ENTREP2: variants seen among roughly 807,000 people sequenced by gnomAD.
The protein encoded by ENTREP2 is protein ENTREP2.
the ENTREP2 span, among the ~76,000 whole-genome samples, chr15:29,371,362 A>ACACACG: frequency 6.7e-6 from 1 of 150,294 alleles, no homozygotes; most frequent in Admixed American, 6.6e-5. Flanking sequence ...ACACACACAC[A>ACACACG]CACACACACA....
chr15:29,657,244 G>T, the ENTREP2 span, among the ~76,000 whole-genome samples: 2 of 150,626 alleles, frequency 1.3e-5, no homozygotes, highest in Non-Finnish European at 3.0e-5. Flanking sequence ...CATTTTTAGT[G>T]GCTACAGGGT....
chr15:29,328,593 C>T, the ENTREP2 span, among the ~76,000 whole-genome samples: 2 of 152,180 alleles, frequency 1.3e-5, no homozygotes, highest in Admixed American at 6.5e-5. Context: ...AGAAGCTGTA[C>T]ATCAGTGATG....
the ENTREP2 span, among the ~76,000 whole-genome samples, chr15:29,154,360 A>T: frequency 2.0e-5 from 3 of 152,128 alleles, no homozygotes; most frequent in Non-Finnish European, 2.9e-5. Context: ...AGACATCTCC[A>T]TCTTGTGCTC....
At chr15:29,607,316 TTTTGTC>T in the ENTREP2 span, among the ~76,000 whole-genome samples, 1 of 151,790 alleles carries the variant, frequency 6.6e-6, no homozygotes, top group Non-Finnish European at 1.5e-5. Context: ...TTTTTTTTTT[TTTTGTC>T]TTATTTCACC....
chr15:29,174,454 C>T, the ENTREP2 span, among the ~76,000 whole-genome samples: 1 of 152,044 alleles, frequency 6.6e-6, no homozygotes, highest in Admixed American at 6.5e-5. Flanking sequence ...TTTGGGAGGC[C>T]GAGGCGGGCA....
chr15:29,655,970 A>G, the ENTREP2 span, among the ~76,000 whole-genome samples: 1 of 146,620 alleles, frequency 6.8e-6, no homozygotes, highest in African/African-American at 2.5e-5. Flanking sequence ...GGTTGCAGTG[A>G]GCGAGATCAC....
At chr15:29,657,332 A>G in the ENTREP2 span, among the ~76,000 whole-genome samples, 2 of 146,738 alleles carry the variant, frequency 1.4e-5, no homozygotes, top group African/African-American at 5.4e-5. Flanking sequence ...AGCGCCCACC[A>G]GTGTTACAGC....
chr15:29,546,550 T>C, the ENTREP2 span, among the ~76,000 whole-genome samples: 1 of 152,066 alleles, frequency 6.6e-6, no homozygotes, highest in Admixed American at 6.6e-5. Context: ...ATAACGAGAA[T>C]GTGTGCTAGA....
the ENTREP2 span, among the ~76,000 whole-genome samples, chr15:29,607,349 G>A: frequency 6.8e-6 from 1 of 147,710 alleles, no homozygotes; most frequent in Non-Finnish European, 1.5e-5. Context: ...GTCTCTCGAG[G>A]CATTACCCTT....
the ENTREP2 span, among the ~76,000 whole-genome samples, chr15:29,468,338 T>C: frequency 4.6e-5 from 7 of 152,118 alleles, no homozygotes; most frequent in Admixed American, 1.3e-4. Flanking sequence ...AGGCTGGGCA[T>C]GGTGGCTCAT....
the ENTREP2 span, among the ~76,000 whole-genome samples, chr15:29,673,950 C>T: frequency 6.6e-6 from 1 of 152,206 alleles, no homozygotes; most frequent in Non-Finnish European, 1.5e-5. Flanking sequence ...GAGTACCCGT[C>T]CTGTTGCTGT....
At chr15:29,410,462 G>A in the ENTREP2 span, among the ~76,000 whole-genome samples, 10 of 152,026 alleles carry the variant, frequency 6.6e-5, no homozygotes, top group South Asian at 1.5e-3. Context: ...GACTTGAGGC[G>A]ACGGGTCTCG....
the ENTREP2 span, among the ~76,000 whole-genome samples, chr15:29,287,953 G>A: frequency 9.2e-5 from 14 of 152,332 alleles, no homozygotes; most frequent in South Asian, 2.5e-3. Context: ...ACGGTTAGGA[G>A]GACACTCATT....
the ENTREP2 span, among the ~76,000 whole-genome samples, chr15:29,138,045 T>C: frequency 6.6e-6 from 1 of 152,112 alleles, no homozygotes; most frequent in Non-Finnish European, 1.5e-5. Flanking sequence ...GAAGTACTTA[T>C]TTAGCTGTTT....
At chr15:29,501,753 T>A in the ENTREP2 span, among the ~76,000 whole-genome samples, 1 of 152,130 alleles carries the variant, frequency 6.6e-6, no homozygotes, top group African/African-American at 2.4e-5. Context: ...TGTTCACAGA[T>A]GACCTAATTT....
chr15:29,157,925 T>A, the ENTREP2 span, among the ~76,000 whole-genome samples: 3 of 152,146 alleles, frequency 2.0e-5, no homozygotes, highest in Non-Finnish European at 4.4e-5. Flanking sequence ...GAGACGGGGT[T>A]TCACCATGTT....
the ENTREP2 span, among the ~76,000 whole-genome samples, chr15:29,411,544 T>C: frequency 2.6e-5 from 4 of 152,354 alleles, no homozygotes; most frequent in East Asian, 7.7e-4. Flanking sequence ...TGTGCCTTTA[T>C]CCTATTGATT....
At chr15:29,129,855 A>G in the ENTREP2 span, among the ~76,000 whole-genome samples, 94 of 152,216 alleles carry the variant, frequency 6.2e-4, 1 homozygote, top group East Asian at 0.013. Context: ...GAGCACCCCC[A>G]TGCACCCCAT....
chr15:29,204,927 C>T, the ENTREP2 span, among the ~76,000 whole-genome samples: 1 of 152,306 alleles, frequency 6.6e-6, no homozygotes, highest in South Asian at 2.1e-4. Context: ...TCCACCTCCA[C>T]AACTTTTTCA....
Sources: gnomAD v4.1 joint callset for allele counts (sites outside exome capture counted in the v4.1 genomes callset) on GRCh38, gnomAD v4.1.1 for gene constraint, MANE v1.5 for transcripts, NCBI Gene and HGNC (gene_info 2026-07-23, HGNC 2026-07-21) for gene names.